The following NUMB variants were observed in gnomAD, a reference collection of about 807,000 sequenced individuals.
NUMB encodes the protein protein numb homolog.
NUMB carries 29 observed loss-of-function variants against 59.7 expected under a neutral mutation model. The ratio of observed to expected loss-of-function variants is 0.49; its 90% CI spans 0.36 to 0.66. The LOEUF (loss-of-function observed/expected upper bound fraction) is 0.66, where lower values mean the gene tolerates loss of function less well. NUMB is among the 30% of genes least tolerant of loss of function. NUMB has a pLI of 0.00. For synonymous variants in NUMB, 288 were observed against 288.2 expected, an observed-to-expected ratio of 1.00 and a Z score of 0.01; for missense variants, 723 against 822.0, an observed-to-expected ratio of 0.88 and a Z score of 1.47.
intron 1 of NUMB, chr14:73,457,820 A>T (rs1167020451): frequency 6.6e-6 from 1 of 152,046 alleles, no homozygotes; most frequent in Non-Finnish European, 1.5e-5. Flanking sequence ...GCTGCTCCTC[A>T]TCTCTCCAGG....
intron 1 of NUMB, among the ~76,000 whole-genome samples, chr14:73,431,997 T>C (rs1035387400): frequency 1.3e-5 from 2 of 152,048 alleles, no homozygotes; most frequent in Non-Finnish European, 2.9e-5. Flanking sequence ...AATTCAGGTA[T>C]TTTAGCAGCA....
intron 1 of NUMB, among the ~76,000 whole-genome samples, chr14:73,445,952 TAAC>T (rs778826804): frequency 1.3e-5 from 2 of 151,682 alleles, no homozygotes. Flanking sequence ...TGCAAAAAAT[TAAC>T]AACTTATGAA....
At chr14:73,351,670 T>C (rs1277670617) in intron 4 of NUMB, among the ~76,000 whole-genome samples, 4 of 151,920 alleles carry the variant, frequency 2.6e-5, no homozygotes. Flanking sequence ...ACCGTTGAAC[T>C]GTACACTTAA....
intron 9 of NUMB, chr14:73,284,751 A>G (rs144111427): frequency 5.8e-6 from 1 of 171,456 alleles, no homozygotes; most frequent in African/African-American, 2.4e-5. Context: ...TGGGAACTGT[A>G]GCATTAGAAA....
At chr14:73,448,951 T>A (rs1259228698) in intron 1 of NUMB, among the ~76,000 whole-genome samples, 1 of 151,730 alleles carries the variant, frequency 6.6e-6, no homozygotes, top group Non-Finnish European at 1.5e-5. Flanking sequence ...TATCCATGGG[T>A]CCCACACAGG....
chr14:73,430,439 T>G (rs1393146679), intron 1 of NUMB, among the ~76,000 whole-genome samples: 2 of 151,624 alleles, frequency 1.3e-5, no homozygotes, highest in Non-Finnish European at 2.9e-5. Context: ...GAGACCAGCC[T>G]GGGTAACACA....
intron 8 of NUMB, among the ~76,000 whole-genome samples, chr14:73,289,834 G>A (rs566238696): frequency 1.1e-4 from 17 of 152,154 alleles, no homozygotes; most frequent in Non-Finnish European, 2.1e-4. Flanking sequence ...GCATTTGAAC[G>A]CAGGTCTATT....
rs1896571959 is a variant in NUMB, at chr14:73,404,591, T to C, written c.-101+5346A>G. ...GAAATATCAGTGGGGGATATACAGA[T>C]GTTCAACATATGTCTTACAACATTC... is the stretch of plus-strand genomic sequence containing the variant. On this transcript the variant is annotated intron_variant, in intron 2 of 12. Coordinates refer to ENST00000555238, the MANE Select transcript of NUMB (RefSeq NM_001005743.2). Among the ~76,000 whole-genome samples the C allele has an allele frequency of 2.0e-5, 3 of 152,306 alleles. No individual in the cohort carries two copies. In the South Asian group the frequency reaches 6.2e-4, roughly 32 times the overall value.
At chr14:73,365,512 A>T (rs893744330) in intron 3 of NUMB, among the ~76,000 whole-genome samples, 1 of 152,178 alleles carries the variant, frequency 6.6e-6, no homozygotes, top group Non-Finnish European at 1.5e-5. Context: ...TGGGCATGGT[A>T]GTAATACCAG....
chr14:73,352,502 A>T (rs1190296540), intron 4 of NUMB, among the ~76,000 whole-genome samples: 8 of 12,296 alleles, frequency 6.5e-4, no homozygotes, highest in African/African-American at 2.0e-3. Context: ...ATATATATAT[A>T]TATATATATA....
At chr14:73,429,593 C>T (rs1490606543) in intron 1 of NUMB, among the ~76,000 whole-genome samples, 3 of 151,962 alleles carry the variant, frequency 2.0e-5, no homozygotes, top group Admixed American at 6.6e-5. Flanking sequence ...TGCATTATTC[C>T]CAGTTTTTGG....
At chr14:73,297,121 C>T (rs891209281) in intron 7 of NUMB, 90 bp downstream of exon 7, 6 of 809,406 alleles carry the variant, frequency 7.4e-6, no homozygotes, top group Admixed American at 2.0e-5. Context: ...GGGCCGAGAT[C>T]GTGCCATTGC....
intron 1 of NUMB, among the ~76,000 whole-genome samples, chr14:73,419,517 T>A (rs890544309): frequency 6.6e-6 from 1 of 151,830 alleles, no homozygotes; most frequent in Non-Finnish European, 1.5e-5. Context: ...ACAAAATAAA[T>A]AAATAAATAA....
intron 4 of NUMB, among the ~76,000 whole-genome samples, chr14:73,336,365 T>C (rs1445178893): frequency 6.6e-6 from 1 of 152,194 alleles, no homozygotes; most frequent in Non-Finnish European, 1.5e-5. Flanking sequence ...CAGGCAAAGA[T>C]CATGAAAGAA....
At chr14:73,438,279 A>G (rs1898140912) in intron 1 of NUMB, among the ~76,000 whole-genome samples, 1 of 152,238 alleles carries the variant, frequency 6.6e-6, no homozygotes, top group Non-Finnish European at 1.5e-5. Context: ...GTGTGAACAC[A>G]ATATAAATTG....
intron 2 of NUMB, among the ~76,000 whole-genome samples, chr14:73,382,946 G>A (rs1299917023): frequency 6.6e-6 from 1 of 152,172 alleles, no homozygotes; most frequent in East Asian, 1.9e-4. Flanking sequence ...AGGAGTTTGA[G>A]ACCAACCTGG....
intron 5 of NUMB, among the ~76,000 whole-genome samples, chr14:73,320,838 C>G (rs1891361378): frequency 6.7e-6 from 1 of 149,926 alleles, no homozygotes; most frequent in South Asian, 2.1e-4. Context: ...TCCTATGCCT[C>G]AAGCAATCAC....
intron 11 of NUMB, 64 bp from the exon 12 acceptor site, chr14:73,279,488 G>C (rs552060745): frequency 1.4e-6 from 2 of 1,469,354 alleles, no homozygotes; most frequent in African/African-American, 2.8e-5. Context: ...TGACCCCTTG[G>C]AGCTGTGTCA....
chr14:73,349,262 G>A (rs1893070731), intron 4 of NUMB, among the ~76,000 whole-genome samples: 1 of 151,974 alleles, frequency 6.6e-6, no homozygotes, highest in Non-Finnish European at 1.5e-5. Flanking sequence ...GGCCAGGCTG[G>A]CCAACATGGA....
Sources: allele counts gnomAD v4.1 joint callset (sites outside exome capture counted in the v4.1 genomes callset), GRCh38; gene constraint gnomAD v4.1.1; transcripts MANE v1.5; gene names NCBI Gene and HGNC (gene_info 2026-07-23, HGNC 2026-07-21).